Variants in KDM4C observed in about 807,000 individuals in gnomAD.
The protein encoded by KDM4C is lysine demethylase 4C.
KDM4C carries 81 observed loss-of-function variants against 129.3 expected under a neutral mutation model. That is an observed-to-expected ratio of 0.63 (90% CI 0.52 to 0.75). The LOEUF (loss-of-function observed/expected upper bound fraction) is 0.75, where lower values mean the gene tolerates loss of function less well. Ranked by LOEUF, KDM4C falls within the 30% of genes least tolerant of loss-of-function variation. The pLI, the probability that KDM4C is intolerant of heterozygous loss-of-function variation, is 0.00. For missense variants in KDM4C, 1,457 were observed against 1,304.0 expected, an observed-to-expected ratio of 1.12 and a Z score of -1.81; for synonymous variants, 573 against 456.1, an observed-to-expected ratio of 1.26 and a Z score of -3.26.
chr9:7,021,373 G>A (rs931387980), intron 15 of KDM4C, among the ~76,000 whole-genome samples: 4 of 152,078 alleles, frequency 2.6e-5, no homozygotes, highest in Admixed American at 2.6e-4. Context: ...TCGAACTCCT[G>A]ACCTCAGGTG....
intron 8 of KDM4C, among the ~76,000 whole-genome samples, chr9:6,956,373 A>G (rs1260436582): frequency 6.6e-6 from 1 of 152,152 alleles, no homozygotes; most frequent in Non-Finnish European, 1.5e-5. Flanking sequence ...ACAAATATAC[A>G]CACCTACTAA....
At position 6,877,433 on chromosome 9, in the gene KDM4C, C is replaced by T. The variant is rs533578011; in HGVS notation, c.630-2579C>T. ...GCCAGGGTGGTCTCGGTCTCCTGAC[C>T]TCATGATCTGCCCGCCTCGACCTCC... is the stretch of plus-strand genomic sequence containing the variant. On this transcript the variant is annotated intron_variant, in intron 5 of 21. Coordinates refer to ENST00000381309, the MANE Select transcript of KDM4C (RefSeq NM_015061.6). Among the ~76,000 whole-genome samples the T allele has an allele frequency of 2.7e-3, 412 of 152,052 alleles. 3 individuals are homozygous for T. The highest frequency in any genetic ancestry group is 9.4e-3 in the African/African-American group (392 of 41,566).
intron 18 of KDM4C, among the ~76,000 whole-genome samples, chr9:7,127,596 C>CA (rs1840159025): frequency 1.3e-5 from 2 of 152,106 alleles, no homozygotes. Flanking sequence ...CAACTAAATG[C>CA]AATACTTGAC....
At chr9:6,979,539 T>G (rs922884171) in intron 8 of KDM4C, among the ~76,000 whole-genome samples, 13 of 152,202 alleles carry the variant, frequency 8.5e-5, no homozygotes, top group African/African-American at 2.9e-4. Context: ...AGTAAAGTCT[T>G]GGAGCCCTTA....
At chr9:7,144,416 T>G (rs1293320815) in intron 19 of KDM4C, among the ~76,000 whole-genome samples, 1 of 152,206 alleles carries the variant, frequency 6.6e-6, no homozygotes, top group East Asian at 1.9e-4. Flanking sequence ...CTCAAAACCT[T>G]GCACTGCTGG....
At chr9:7,100,039 C>G (rs1254188550) in intron 17 of KDM4C, among the ~76,000 whole-genome samples, 3 of 152,084 alleles carry the variant, frequency 2.0e-5, no homozygotes, top group African/African-American at 7.3e-5. Flanking sequence ...GAGACAGGAG[C>G]TCTGCCCTGG....
At chr9:7,030,440 G>GTAC (rs1405238119) in intron 15 of KDM4C, among the ~76,000 whole-genome samples, 5 of 152,114 alleles carry the variant, frequency 3.3e-5, no homozygotes, top group African/African-American at 1.2e-4. Context: ...CACCAAGAGT[G>GTAC]AATCCTAAAC....
chr9:6,843,721 A>G (rs1274018584), intron 4 of KDM4C, among the ~76,000 whole-genome samples: 1 of 152,036 alleles, frequency 6.6e-6, no homozygotes, highest in Non-Finnish European at 1.5e-5. Context: ...ATACTCGGTT[A>G]CTCTTTCAGA....
At chr9:7,104,271 C>G (rs144560553) in intron 18 of KDM4C, 4,782 of 177,118 alleles carry the variant, frequency 0.027, 266 homozygotes, top group Admixed American at 0.15. Flanking sequence ...AGTGAACAGT[C>G]TATGAAACTG....
At chr9:6,774,824 C>T (rs1295796256) in intron 1 of KDM4C, among the ~76,000 whole-genome samples, 1 of 152,156 alleles carries the variant, frequency 6.6e-6, no homozygotes, top group African/African-American at 2.4e-5. Flanking sequence ...GTATGTTTCT[C>T]TTCTATCTCA....
chr9:6,843,667 T>C (rs555321401), intron 4 of KDM4C, among the ~76,000 whole-genome samples: 5 of 152,296 alleles, frequency 3.3e-5, no homozygotes, highest in Non-Finnish European at 1.5e-5. Context: ...AGCCAGCATT[T>C]GGTTGGAGAA....
At chr9:6,928,299 C>T (rs1192226302) in intron 8 of KDM4C, among the ~76,000 whole-genome samples, 1 of 152,242 alleles carries the variant, frequency 6.6e-6, no homozygotes, top group Non-Finnish European at 1.5e-5. Flanking sequence ...GAGCTCTGTC[C>T]TGAACTCGCC....
intron 12 of KDM4C, among the ~76,000 whole-genome samples, chr9:6,991,355 A>AT (rs1818713907): frequency 6.6e-6 from 1 of 152,186 alleles, no homozygotes; most frequent in African/African-American, 2.4e-5. Flanking sequence ...AAGTGCTGAG[A>AT]TTATAAGCAT....
chr9:7,145,345 T>C (rs894381483), intron 19 of KDM4C, among the ~76,000 whole-genome samples: 2 of 152,214 alleles, frequency 1.3e-5, no homozygotes, highest in Admixed American at 6.5e-5. Context: ...ATACTTCTAA[T>C]GAGAGTTGGA....
At chr9:6,857,952 T>C (rs896519878) in intron 5 of KDM4C, among the ~76,000 whole-genome samples, 2 of 124,464 alleles carry the variant, frequency 1.6e-5, no homozygotes, top group Non-Finnish European at 3.3e-5. Flanking sequence ...TTTTTAGAGA[T>C]GGGGTTTTGC....
In KDM4C at chr9:7,090,969, A is replaced by G. The variant is rs1264209828; in HGVS notation, c.2425-12716A>G. Among the ~76,000 whole-genome samples, 3 of 152,198 alleles carry G rather than the reference A, an allele frequency of 2.0e-5. No homozygotes were observed. The East Asian group carries it at 5.8e-4, about 29-fold the overall frequency. On this transcript the variant is annotated intron_variant, in intron 17 of 21. Coordinates refer to ENST00000381309, the MANE Select transcript of KDM4C (RefSeq NM_015061.6). Reference sequence around the variant, plus strand: ...ATGTCCATTATGTGTTTACAAGTGAAACTATTAATACTAGTGGAGCATGGA... The same window carrying G: ...ATGTCCATTATGTGTTTACAAGTGAGACTATTAATACTAGTGGAGCATGGA...
intron 1 of KDM4C, among the ~76,000 whole-genome samples, chr9:6,741,689 T>C (rs1196466895): frequency 6.6e-6 from 1 of 150,694 alleles, no homozygotes; most frequent in East Asian, 1.9e-4. Context: ...TTTTTTTTTT[T>C]TTTTTGTCTT....
At chr9:7,107,513 C>A (rs866488591) in intron 18 of KDM4C, among the ~76,000 whole-genome samples, 18 of 152,186 alleles carry the variant, frequency 1.2e-4, no homozygotes, top group African/African-American at 4.1e-4. Flanking sequence ...AGTAAACTTT[C>A]ATATTAGGTT....
chr9:6,955,666 C>T (rs772390272), intron 8 of KDM4C, among the ~76,000 whole-genome samples: 1 of 152,146 alleles, frequency 6.6e-6, no homozygotes, highest in Admixed American at 6.6e-5. Flanking sequence ...CAGCTTTTCC[C>T]TTTCTTCTTA....
Sources: allele counts gnomAD v4.1 joint callset (sites outside exome capture counted in the v4.1 genomes callset), GRCh38; gene constraint gnomAD v4.1.1; transcripts MANE v1.5; gene names NCBI Gene and HGNC (gene_info 2026-07-23, HGNC 2026-07-21).